The following PLAAT5 variants were observed in gnomAD, a reference collection of about 807,000 sequenced individuals.
PLAAT5 encodes Ca(2+)-independent N-acyltransferase.
PLAAT5 carries 27 observed loss-of-function variants against 27.8 expected under a neutral mutation model. The observed-to-expected ratio is 0.97, with a 90% confidence interval of 0.72 to 1.34. PLAAT5 has a LOEUF of 1.34. PLAAT5 is among the 40% of genes most tolerant of loss of function. The probability of loss-of-function intolerance (pLI) is 0.00; values close to 1 mark genes in which losing one functional copy is unlikely to be tolerated. For synonymous variants in PLAAT5, 125 were observed against 136.1 expected, an observed-to-expected ratio of 0.92 and a Z score of 0.57; for missense variants, 368 against 343.8, an observed-to-expected ratio of 1.07 and a Z score of -0.56.
At chr11:63,477,984 A>G (rs1181714976) in intron 3 of PLAAT5, among the ~76,000 whole-genome samples, 2 of 152,186 alleles carry the variant, frequency 1.3e-5, no homozygotes, top group African/African-American at 2.4e-5. Flanking sequence ...CACCAGACAC[A>G]TGTGGCAGCT....
At chr11:63,474,939 A>G (rs1354689793) in intron 3 of PLAAT5, among the ~76,000 whole-genome samples, 3 of 151,966 alleles carry the variant, frequency 2.0e-5, no homozygotes, top group Non-Finnish European at 4.4e-5. Context: ...ATGTTGCTTA[A>G]TTTCCAAATA....
chr11:63,483,801 GTATATATATATATATATATA>G (rs71039646), intron 3 of PLAAT5, among the ~76,000 whole-genome samples: 256 of 24,160 alleles, frequency 0.011, 7 homozygotes, highest in Non-Finnish European at 0.016. Context: ...ATATATATAT[GTATATATATATATATATATA>G]TATATATATA....
intron 3 of PLAAT5, among the ~76,000 whole-genome samples, chr11:63,487,667 C>A (rs947540947): frequency 6.6e-6 from 1 of 152,168 alleles, no homozygotes; most frequent in East Asian, 1.9e-4. Flanking sequence ...AATATACAGT[C>A]TGCACAAAGA....
intron 3 of PLAAT5, among the ~76,000 whole-genome samples, chr11:63,476,802 C>T (rs1291782045): frequency 1.3e-5 from 2 of 152,038 alleles, no homozygotes; most frequent in African/African-American, 2.4e-5. Flanking sequence ...CTTTCTGGGA[C>T]CCCAATTATA....
chr11:63,490,398 G>T, intron 1 of PLAAT5, 65 bp from the exon 2 acceptor site: 4 of 1,611,726 alleles, frequency 2.5e-6, no homozygotes, highest in Non-Finnish European at 3.4e-6. Flanking sequence ...CACCTTGACC[G>T]CTACGGAGAG....
Position 63,490,303 on chromosome 11 carries a change from T to G in PLAAT5, c.179A>C (p.Gln60Pro), listed in dbSNP as rs771612086. The G allele has an allele frequency of 5.0e-6, 8 of 1,614,048 alleles. No individual in the cohort carries two copies. Among genetic ancestry groups the G allele is most frequent in the Non-Finnish European group, 6.8e-6 (8 of 1,180,030 alleles). ...CGGCGGAGGCTGCTTGGCTGGGAGC[T>G]GGACCAACGCTGCGAATCCCACGGA... ...EESVGFAALVQLPAKQPPPGT... is the reference protein window; with the variant it reads ...EESVGFAALVPLPAKQPPPGT... Residue 60 changes from glutamine to proline, a missense_variant, in exon 2 of 6, where the codon CAG (glutamine) becomes CCG (proline). Coordinates refer to ENST00000540857, the MANE Select transcript of PLAAT5 (RefSeq NM_001146729.2).
chr11:63,479,888 T>C (rs1229986253), intron 3 of PLAAT5, among the ~76,000 whole-genome samples: 3 of 152,232 alleles, frequency 2.0e-5, no homozygotes, highest in African/African-American at 4.8e-5. Flanking sequence ...AGTAAGATTA[T>C]GGGACAGGTT....
At chr11:63,478,074 C>G (rs548466645) in intron 3 of PLAAT5, among the ~76,000 whole-genome samples, 2 of 152,176 alleles carry the variant, frequency 1.3e-5, no homozygotes, top group Non-Finnish European at 2.9e-5. Context: ...TATTGCTTGT[C>G]CTAACCAGTA....
At chr11:63,489,598 G>A (rs1040430984) in intron 2 of PLAAT5, among the ~76,000 whole-genome samples, 3 of 152,214 alleles carry the variant, frequency 2.0e-5, no homozygotes, top group African/African-American at 7.2e-5. Context: ...TAGCTTTCAT[G>A]ATTGCTGTCC....
At chr11:63,478,446 C>T (rs900766237) in intron 3 of PLAAT5, among the ~76,000 whole-genome samples, 4 of 152,136 alleles carry the variant, frequency 2.6e-5, no homozygotes, top group Non-Finnish European at 5.9e-5. Flanking sequence ...CTCAGCCACC[C>T]GAGTAGCTGG....
intron 3 of PLAAT5, among the ~76,000 whole-genome samples, chr11:63,483,620 A>G (rs2016336394): frequency 6.8e-6 from 1 of 146,228 alleles, no homozygotes; most frequent in East Asian, 2.0e-4. Flanking sequence ...TGCTAAGAGG[A>G]AAGTTCATAG....
intron 3 of PLAAT5, among the ~76,000 whole-genome samples, chr11:63,468,798 T>C (rs546025696): frequency 6.6e-6 from 1 of 152,202 alleles, no homozygotes; most frequent in Non-Finnish European, 1.5e-5. Flanking sequence ...ATGTTAAACC[T>C]TCTCAGTAAA....
rs763465715 is a variant in PLAAT5, at chr11:63,468,412, A to G, written c.399T>C (p.Tyr133=). ...CTTCTACATAGATGGCCCAGTGCTC[A>G]TAGCCAATTCGAAAAATCTCAATCA... is the stretch of plus-strand genomic sequence containing the variant. ...GDLIEIFRIG[Y]EHWAIYVEDD... The change falls in exon 4 of 6, where the codon TAT becomes TAC. Residue 133 remains tyrosine (Y), a synonymous_variant. Transcript: ENST00000540857. The G allele has an allele frequency of 6.2e-6, 10 of 1,614,226 alleles. No individual in the cohort carries two copies. Among genetic ancestry groups the G allele is most frequent in the Admixed American group, 1.7e-5 (1 of 60,034 alleles).
chr11:63,490,470 G>T, intron 1 of PLAAT5, 137 bp from the exon 2 acceptor site: 1 of 1,381,816 alleles, frequency 7.2e-7, no homozygotes, highest in Non-Finnish European at 1.0e-6. Flanking sequence ...GAAAATCTTG[G>T]GATGAATGGA....
chr11:63,481,018 TA>T (rs1241616024), intron 3 of PLAAT5, among the ~76,000 whole-genome samples: 1 of 152,238 alleles, frequency 6.6e-6, no homozygotes, highest in African/African-American at 2.4e-5. Context: ...TTCATTTCCA[TA>T]AGTTGTGCTT....
At chr11:63,487,409 A>G (rs749310215) in intron 3 of PLAAT5, among the ~76,000 whole-genome samples, 8 of 152,176 alleles carry the variant, frequency 5.3e-5, no homozygotes, top group Admixed American at 6.5e-5. Context: ...AATAGCTAAA[A>G]TTTAGAAGAT....
intron 3 of PLAAT5, among the ~76,000 whole-genome samples, chr11:63,487,453 C>A (rs2016462778): frequency 6.6e-6 from 1 of 151,966 alleles, no homozygotes; most frequent in South Asian, 2.1e-4. Context: ...AACTGGAACT[C>A]TTATAAACTG....
Position 63,463,532 on chromosome 11 carries a change from T to A in PLAAT5, c.781A>T (p.Ser261Cys), listed in dbSNP as rs746443005. The change falls in exon 6 of 6, where the codon AGC (serine) becomes TGC (cysteine). Residue 261 changes from serine to cysteine, a missense_variant. Ser to Cys is a moderately radical substitution (Grantham distance 112). Coordinates refer to ENST00000540857, the MANE Select transcript of PLAAT5 (RefSeq NM_001146729.2). ...GCAGTTATTGGTTTGGGCTTTATGCTATCCACTACAGCTGAAATAACTGCT... is the reference window on the plus strand; with the variant it reads ...GCAGTTATTGGTTTGGGCTTTATGCAATCCACTACAGCTGAAATAACTGCT... ...AGAVISAVVDSIKPKPITA is the reference protein window; with the variant it reads ...AGAVISAVVDCIKPKPITA The A allele has an allele frequency of 1.2e-6, 2 of 1,613,898 alleles. No individual in the cohort carries two copies. Among genetic ancestry groups the A allele is most frequent in the Non-Finnish European group, 1.7e-6 (2 of 1,179,974 alleles).
intron 3 of PLAAT5, among the ~76,000 whole-genome samples, chr11:63,482,543 C>A (rs1006174114): frequency 6.6e-6 from 1 of 152,060 alleles, no homozygotes; most frequent in Non-Finnish European, 1.5e-5. Flanking sequence ...GAAATAAAGT[C>A]TTTTTCAGAC....
Sources: gnomAD v4.1 joint callset for allele counts (sites outside exome capture counted in the v4.1 genomes callset) on GRCh38, gnomAD v4.1.1 for gene constraint, MANE v1.5 for transcripts, NCBI Gene and HGNC (gene_info 2026-07-23, HGNC 2026-07-21) for gene names.